Variants in PDE8A observed in about 807,000 individuals in gnomAD.
PDE8A encodes high affinity cAMP-specific and IBMX-insensitive 3',5'-cyclic phosphodiesterase 8A.
Under a neutral mutation model 105.0 loss-of-function variants are expected in PDE8A, and 59 were observed. The observed-to-expected ratio is 0.56, with a 90% CI of 0.46 to 0.70. The LOEUF (loss-of-function observed/expected upper bound fraction) is 0.70. Among genes scored for constraint, PDE8A ranks in the 30% least tolerant of loss-of-function variants. PDE8A has a pLI of 0.00. For synonymous variants in PDE8A, 355 were observed against 371.9 expected (o/e 0.95, Z 0.52); for missense variants, 1,014 against 1,045.9 (o/e 0.97, Z 0.42).
At chr15:85,064,265 G>A in intron 1 of PDE8A, 105 bp from the exon 2 acceptor site, 1 of 717,858 alleles carries the variant, frequency 1.4e-6, no homozygotes. Context: ...TTTGCCTCTA[G>A]AATAGAAATT....
intron 1 of PDE8A, among the ~76,000 whole-genome samples, chr15:85,004,861 T>G (rs1425933610): frequency 1.3e-5 from 2 of 151,610 alleles, no homozygotes. Flanking sequence ...TTTTTTTTTT[T>G]TTACCTTTAG....
intron 1 of PDE8A, among the ~76,000 whole-genome samples, chr15:85,060,232 A>G (rs1345643000): frequency 6.6e-6 from 1 of 152,190 alleles, no homozygotes; most frequent in East Asian, 1.9e-4. Flanking sequence ...GATTATAGTT[A>G]ACATCCTAAT....
At chr15:84,991,926 T>C (rs1247506283) in intron 1 of PDE8A, among the ~76,000 whole-genome samples, 2 of 152,094 alleles carry the variant, frequency 1.3e-5, no homozygotes, top group Non-Finnish European at 2.9e-5. Context: ...GGCAGGAGGA[T>C]TACTTGAGGC....
At chr15:85,127,695 A>AT (rs1472837831) in intron 20 of PDE8A, among the ~76,000 whole-genome samples, 6 of 152,236 alleles carry the variant, frequency 3.9e-5, no homozygotes, top group Non-Finnish European at 8.8e-5. Context: ...ATGGTGAGGC[A>AT]TATCATGTTC....
In PDE8A at chr15:84,991,467, G is replaced by A. The variant is rs368356092; in HGVS notation, c.186+9119G>A. Among the ~76,000 whole-genome samples, 152 of 152,172 alleles carry A rather than the reference G, an allele frequency of 1.0e-3. 1 individual carries two copies. The highest frequency in any genetic ancestry group is 1.7e-3 in the African/African-American group (71 of 41,432). On this transcript the variant is annotated intron_variant, in intron 1 of 21. Transcript: ENST00000394553. ...CATCAAATTGGCAGACATTTAAAAG[G>A]TTGGCAGTATTTTGAGGAACTGCTC...
rs2082453429 is a variant in PDE8A at position 85,138,701 on chromosome 15, T to A, written c.*798T>A. 6.6e-6 allele frequency: 1 copy of A among 152,232 alleles called. No homozygotes were observed. Among genetic ancestry groups the A allele is most frequent in the Non-Finnish European group, 1.5e-5 (1 of 68,050 alleles). 9.4% of individuals were successfully genotyped at this position (152,232 alleles called of 1,614,324 possible). On this transcript the variant is annotated 3_prime_UTR_variant, in exon 22 of 22. Coordinates refer to ENST00000394553, the MANE Select transcript of PDE8A (RefSeq NM_002605.3). ...TCTAAGTGCTAAAGAAGGCTGCTTCTACTGTATAGAACCCAGGGCTCTGAA... is the reference window on the plus strand; with the variant it reads ...TCTAAGTGCTAAAGAAGGCTGCTTCAACTGTATAGAACCCAGGGCTCTGAA...
chr15:85,038,907 A>C (rs1201921738), intron 1 of PDE8A, among the ~76,000 whole-genome samples: 1 of 152,192 alleles, frequency 6.6e-6, no homozygotes, highest in Non-Finnish European at 1.5e-5. Flanking sequence ...AGATCACCTG[A>C]GGTTAGGAGT....
intron 1 of PDE8A, among the ~76,000 whole-genome samples, chr15:85,046,065 CTTTTTTTT>C (rs34486009): frequency 1.6e-5 from 2 of 124,442 alleles, no homozygotes; most frequent in East Asian, 4.6e-4. Flanking sequence ...CTTTCTGTTT[CTTTTTTTT>C]TTTTTTTTTT....
intron 1 of PDE8A, among the ~76,000 whole-genome samples, chr15:84,990,226 A>AT (rs1358067158): frequency 6.6e-6 from 1 of 152,224 alleles, no homozygotes; most frequent in Non-Finnish European, 1.5e-5. Flanking sequence ...CAAAGTTTAC[A>AT]TTTTTAAATG....
At position 85,083,639 on chromosome 15, in the gene PDE8A, A is replaced by G. The variant is rs1423290029; in HGVS notation, c.630A>G (p.Lys210=). The G allele has an allele frequency of 6.2e-7, 1 of 1,606,946 alleles. No homozygotes were observed. Among genetic ancestry groups the G allele is most frequent in the Non-Finnish European group, 8.5e-7 (1 of 1,173,774 alleles). The change falls in exon 6 of 22, where the codon AAA becomes AAG. Residue 210 remains lysine (K), a synonymous_variant. Transcript: ENST00000394553. ...TTGGAGAGGTGCGATCACAACTGAA[A>G]CTCAGGTAATTCTACCACTTCTGGA... ...LEFGEVRSQL[K]LRACNSVFTA... is the part of the protein sequence containing the mutation.
intron 3 of PDE8A, among the ~76,000 whole-genome samples, chr15:85,073,321 T>C (rs2081339058): frequency 1.3e-5 from 2 of 152,248 alleles, no homozygotes; most frequent in Admixed American, 1.3e-4. Flanking sequence ...CAACTCAGTT[T>C]CCTGACATTT....
chr15:84,981,753 G>T (rs1406579200), upstream of PDE8A, among the ~76,000 whole-genome samples: 2 of 151,240 alleles, frequency 1.3e-5, no homozygotes, highest in Non-Finnish European at 3.0e-5. Flanking sequence ...TCCCCCGGGG[G>T]TCGTGCCGCA....
chr15:85,095,817 C>T (rs1310602190), intron 8 of PDE8A, among the ~76,000 whole-genome samples: 1 of 151,422 alleles, frequency 6.6e-6, no homozygotes, highest in African/African-American at 2.4e-5. Context: ...CTTGGGATCG[C>T]TCAGTCACCC....
chr15:85,123,176 A>G lies in PDE8A; in HGVS notation c.2068A>G (p.Thr690Ala). The G allele has an allele frequency of 6.2e-7, 1 of 1,614,110 alleles. No homozygotes were observed. The highest frequency in any genetic ancestry group is 1.3e-5 in the African/African-American group (1 of 75,036). Residue 690 changes from threonine to alanine, a missense_variant, in exon 19 of 22, where the codon ACA becomes GCA. Transcript: ENST00000394553. ...FVNSINKPLATLEENGETDKN... is the reference protein window; with the variant it reads ...FVNSINKPLAALEENGETDKN... The stretch of plus-strand genomic sequence containing the variant: ...CAACAGCATCAACAAACCCTTGGCA[A>G]CACTAGAAGAAAATGGGGTAAGGGA...
rs746131355 is a variant in PDE8A, at chr15:85,117,706, C to T, written c.1601C>T (p.Ser534Phe). 2 of 1,614,050 alleles carry T rather than the reference C, an allele frequency of 1.2e-6. No homozygotes were observed. Among genetic ancestry groups the T allele is most frequent in the Admixed American group, 3.3e-5 (2 of 60,026 alleles). Reference sequence around the variant, plus strand: ...GGAATCTGTGAATTCTTACACTGCTCCGAGTCAACGCTAAGATCATGGTTA... The same window carrying T: ...GGAATCTGTGAATTCTTACACTGCTTCGAGTCAACGCTAAGATCATGGTTA... ...RFGICEFLHC[S>F]ESTLRSWLQI... Residue 534 changes from serine (S) to phenylalanine (F), a missense_variant, in exon 17 of 22, where the codon TCC (serine) becomes TTC (phenylalanine). Physicochemically the swap from Ser to Phe is radical, Grantham distance 155 (BLOSUM62 -2). Coordinates refer to ENST00000394553, the MANE Select transcript of PDE8A (RefSeq NM_002605.3).
intron 1 of PDE8A, among the ~76,000 whole-genome samples, chr15:85,036,037 G>A (rs564472934): frequency 3.4e-4 from 52 of 152,264 alleles, no homozygotes; most frequent in Non-Finnish European, 6.2e-4. Flanking sequence ...AGTCCTAGTG[G>A]GGCACATATT....
intron 1 of PDE8A, among the ~76,000 whole-genome samples, chr15:85,025,278 C>G (rs1222385608): frequency 2.6e-5 from 4 of 152,096 alleles, no homozygotes; most frequent in African/African-American, 9.7e-5. Flanking sequence ...GGGGCACTCC[C>G]TTGAAGCCAG....
chr15:85,017,255 G>T (rs1307689648), intron 1 of PDE8A, among the ~76,000 whole-genome samples: 2 of 112,820 alleles, frequency 1.8e-5, no homozygotes, highest in Non-Finnish European at 3.8e-5. Flanking sequence ...GCGACAGAGC[G>T]AGACTCCAAA....
chr15:85,067,385 T>A (rs1384376461), intron 3 of PDE8A, among the ~76,000 whole-genome samples, 181 bp downstream of exon 3: 1 of 152,230 alleles, frequency 6.6e-6, no homozygotes, highest in African/African-American at 2.4e-5. Flanking sequence ...TTTGTCTTGC[T>A]TCACTTTACT....
Sources: allele counts gnomAD v4.1 joint callset (sites outside exome capture counted in the v4.1 genomes callset), GRCh38; gene constraint gnomAD v4.1.1; transcripts MANE v1.5; gene names NCBI Gene and HGNC (gene_info 2026-07-23, HGNC 2026-07-21).